Variants in BEND7 observed in about 807,000 individuals in gnomAD.
BEND7 encodes BEN domain-containing protein 7.
BEND7 carries 28 observed loss-of-function variants against 50.9 expected under a neutral mutation model. The observed-to-expected ratio is 0.55, with a 90% confidence interval of 0.41 to 0.75. The LOEUF (loss-of-function observed/expected upper bound fraction) is 0.75, where lower values mean the gene tolerates loss of function less well. Ranked by LOEUF, BEND7 falls within the 30% of genes least tolerant of loss-of-function variation. The pLI is 0.00. For missense variants in BEND7, 477 were observed against 491.3 expected (o/e 0.97, Z 0.28); for synonymous variants, 170 against 183.9 (o/e 0.92, Z 0.61).
intron 5 of BEND7, among the ~76,000 whole-genome samples, chr10:13,487,500 T>C (rs369103116): frequency 1.3e-5 from 2 of 151,708 alleles, no homozygotes; most frequent in South Asian, 2.1e-4. Flanking sequence ...GATTCTCCTG[T>C]CTCAGCCTCC....
Position 13,496,824 on chromosome 10 carries a change from C to T in BEND7, c.513G>A (p.Thr171=), listed in dbSNP as rs568550072. The change falls in exon 4 of 9, where the codon ACG becomes ACA. Residue 171 remains threonine (T), a synonymous_variant. Coordinates refer to ENST00000466271, the MANE Select transcript of BEND7 (RefSeq NM_001369863.1). ...SNCCTCNCQS[T]LQAILQELKT... is the part of the protein sequence containing the mutation. ...TGAGTTCTTGTAGAATGGCCTGCAA[C>T]GTTGACTGGCAGTTACAAGTACAGC... is the stretch of plus-strand genomic sequence containing the variant. 6.1e-5 allele frequency: 99 copies of T among 1,611,358 alleles called. 1 individual carries two copies. Among genetic ancestry groups the T allele is most frequent in the Non-Finnish European group, 7.6e-5 (90 of 1,179,142 alleles).
intron 5 of BEND7, among the ~76,000 whole-genome samples, chr10:13,484,335 C>T (rs1373819273): frequency 2.0e-5 from 3 of 152,228 alleles, no homozygotes; most frequent in African/African-American, 4.8e-5. Flanking sequence ...GAAAAGATGA[C>T]GTTCACTAAT....
intron 5 of BEND7, among the ~76,000 whole-genome samples, chr10:13,484,219 A>T (rs80213451): frequency 0.02 from 3,063 of 152,294 alleles, 111 homozygotes; most frequent in African/African-American, 0.07. Context: ...CAGATTTCTA[A>T]GCCAGGAGTG....
chr10:13,469,538 G>A (rs937347797), intron 6 of BEND7, among the ~76,000 whole-genome samples: 3 of 152,192 alleles, frequency 2.0e-5, no homozygotes, highest in South Asian at 2.1e-4. Context: ...CTGCAGTGGC[G>A]TGATCTCGGC....
At chr10:13,492,925 G>C (rs2076771788) in intron 4 of BEND7, 49 bp from the exon 5 acceptor site, 1 of 1,568,556 alleles carries the variant, frequency 6.4e-7, no homozygotes, top group African/African-American at 1.4e-5. Flanking sequence ...GTCTGACTTA[G>C]GAAAACTTAT....
intron 7 of BEND7, among the ~76,000 whole-genome samples, chr10:13,448,915 G>T (rs1837055328): frequency 6.6e-6 from 1 of 150,506 alleles, no homozygotes; most frequent in African/African-American, 2.5e-5. Context: ...GCGGAGCTTG[G>T]TGAGCCGAGA....
chr10:13,459,068 G>A (rs1193506406), intron 6 of BEND7, among the ~76,000 whole-genome samples: 4 of 152,148 alleles, frequency 2.6e-5, no homozygotes, highest in East Asian at 1.9e-4. Flanking sequence ...AATGACTTAC[G>A]TTTACAGTTG....
chr10:13,488,151 C>A (rs2076380122), intron 5 of BEND7, among the ~76,000 whole-genome samples: 1 of 148,088 alleles, frequency 6.8e-6, no homozygotes, highest in Non-Finnish European at 1.5e-5. Flanking sequence ...TGAATATCCA[C>A]AATTTATCTT....
At chr10:13,523,336 T>C (rs186664778) in intron 2 of BEND7, among the ~76,000 whole-genome samples, 25 of 152,380 alleles carry the variant, frequency 1.6e-4, no homozygotes, top group Middle Eastern at 3.4e-3. Flanking sequence ...CCAAGCCATT[T>C]ACACTACTGA....
chr10:13,459,188 T>C (rs1251156970), intron 6 of BEND7, among the ~76,000 whole-genome samples: 1 of 152,044 alleles, frequency 6.6e-6, no homozygotes, highest in Non-Finnish European at 1.5e-5. Context: ...GGTGTTACTT[T>C]CAACCTCACA....
chr10:13,439,589 GA>G, downstream of BEND7: 1 of 1,249,276 alleles, frequency 8.0e-7, no homozygotes, highest in Middle Eastern at 2.5e-4. Flanking sequence ...TTATCTTAGT[GA>G]GTGCAAGTGA....
intron 6 of BEND7, among the ~76,000 whole-genome samples, chr10:13,461,960 C>T (rs1840305136): frequency 6.6e-6 from 1 of 152,086 alleles, no homozygotes; most frequent in South Asian, 2.1e-4. Flanking sequence ...TAGAGATGAG[C>T]TCATATTTAA....
rs755326542 is a variant in BEND7, at chr10:13,492,887, TAAAC to T, written c.572-15_572-12del. 4.4e-6 allele frequency: 7 copies of T among 1,592,398 alleles called. No individual in the cohort carries two copies. In the East Asian group the frequency reaches 6.7e-5, roughly 15 times the overall value. ...TGTTTTGAGTTCCAACTGCGAATAA[TAAAC>T]AAAAATATGGTACAGGCACGTGTGT... On this transcript the variant is annotated splice_polypyrimidine_tract_variant and intron_variant, in intron 4 of 8. Transcript: ENST00000466271.
At chr10:13,450,846 G>A (rs1837514250) in intron 7 of BEND7, among the ~76,000 whole-genome samples, 1 of 152,018 alleles carries the variant, frequency 6.6e-6, no homozygotes, top group African/African-American at 2.4e-5. Flanking sequence ...GGGGGGAAAT[G>A]GGCATTTGTG....
chr10:13,474,223 G>T (rs576641373), intron 6 of BEND7, among the ~76,000 whole-genome samples: 1 of 151,202 alleles, frequency 6.6e-6, no homozygotes, highest in Non-Finnish European at 1.5e-5. Context: ...GCCGACATCC[G>T]TCATCGCTGT....
At chr10:13,439,035 T>G, downstream of BEND7, 1 of 850,444 alleles carries the variant, frequency 1.2e-6, no homozygotes, top group Non-Finnish European at 1.8e-6. Context: ...CAGTCCACTC[T>G]TGCTGGGCAA....
At chr10:13,519,331 C>G (rs1310562472) in intron 2 of BEND7, among the ~76,000 whole-genome samples, 1 of 152,024 alleles carries the variant, frequency 6.6e-6, no homozygotes, top group Non-Finnish European at 1.5e-5. Flanking sequence ...AAAAAATTAG[C>G]CGGGTGTGGT....
intron 4 of BEND7, among the ~76,000 whole-genome samples, chr10:13,496,445 T>G (rs934716983): frequency 5.9e-5 from 9 of 152,224 alleles, no homozygotes; most frequent in Non-Finnish European, 8.8e-5. Context: ...AGCCCATGCT[T>G]CCTAAAGGAC....
intron 3 of BEND7, 44 bp from the exon 4 acceptor site, chr10:13,496,932 A>AAT (rs1172889298): frequency 6.9e-7 from 1 of 1,450,558 alleles, no homozygotes; most frequent in African/African-American, 1.5e-5. Context: ...ACAAACCAAA[A>AAT]AAAAAAAAAA....
Sources: gnomAD v4.1 joint callset for allele counts (sites outside exome capture counted in the v4.1 genomes callset) on GRCh38, gnomAD v4.1.1 for gene constraint, MANE v1.5 for transcripts, NCBI Gene and HGNC (gene_info 2026-07-23, HGNC 2026-07-21) for gene names.